The following POFUT3 variants were observed in gnomAD, a reference collection of about 807,000 sequenced individuals.
The protein encoded by POFUT3 is protein O-fucosyltransferase 3.
At chr8:33,436,731 G>C in the POFUT3 span, 1 of 658,332 alleles carries the variant, frequency 1.5e-6, no homozygotes, top group East Asian at 2.9e-5. Context: ...AAATCAGCAG[G>C]GCCTCCTCCT....
chr8:33,431,003 C>T, the POFUT3 span, among the ~76,000 whole-genome samples: 4 of 152,124 alleles, frequency 2.6e-5, no homozygotes, highest in East Asian at 3.9e-4. Flanking sequence ...AAGAGTTTTA[C>T]GGTTTTATGG....
At chr8:33,311,059 TC>T in the POFUT3 span, among the ~76,000 whole-genome samples, 1 of 152,216 alleles carries the variant, frequency 6.6e-6, no homozygotes, top group Non-Finnish European at 1.5e-5. Flanking sequence ...GGAAAACATA[TC>T]CTTGATAATA....
chr8:33,367,994 G>A, the POFUT3 span, among the ~76,000 whole-genome samples: 1 of 152,132 alleles, frequency 6.6e-6, no homozygotes, highest in African/African-American at 2.4e-5. Flanking sequence ...ATGTGGTTAT[G>A]GTTTGCATGG....
the POFUT3 span, among the ~76,000 whole-genome samples, chr8:33,411,249 T>C: frequency 6.6e-6 from 1 of 152,070 alleles, no homozygotes; most frequent in Non-Finnish European, 1.5e-5. Flanking sequence ...AAAATCAGGA[T>C]GGAGGGGTGA....
the POFUT3 span, chr8:33,360,872 T>C: frequency 6.6e-6 from 1 of 152,178 alleles, no homozygotes; most frequent in African/African-American, 2.4e-5. Flanking sequence ...CACGTTTTAA[T>C]TTTATTGCGG....
At chr8:33,391,860 C>T in the POFUT3 span, among the ~76,000 whole-genome samples, 2 of 152,180 alleles carry the variant, frequency 1.3e-5, no homozygotes, top group Non-Finnish European at 2.9e-5. Flanking sequence ...AAACACCAGT[C>T]ACTGTCTGCT....
the POFUT3 span, among the ~76,000 whole-genome samples, chr8:33,418,034 G>GCT: frequency 7.9e-5 from 12 of 152,148 alleles, no homozygotes; most frequent in African/African-American, 2.7e-4. Flanking sequence ...CAGAGAGGGA[G>GCT]CTCACACCGG....
the POFUT3 span, chr8:33,436,379 T>C: frequency 2.1e-6 from 3 of 1,395,922 alleles, no homozygotes; most frequent in Non-Finnish European, 3.0e-6. Flanking sequence ...TGATGTCACA[T>C]TCAACGACCG....
the POFUT3 span, among the ~76,000 whole-genome samples, chr8:33,366,175 C>T: frequency 5.4e-4 from 82 of 152,306 alleles, no homozygotes; most frequent in African/African-American, 1.4e-3. Flanking sequence ...CCAAACACTG[C>T]ATGTTCTCAC....
At chr8:33,469,135 G>A in the POFUT3 span, among the ~76,000 whole-genome samples, 27 of 152,098 alleles carry the variant, frequency 1.8e-4, no homozygotes, top group South Asian at 4.4e-3. Flanking sequence ...ACAAAACCCC[G>A]TCTCTACTAA....
At chr8:33,432,441 A>G in the POFUT3 span, among the ~76,000 whole-genome samples, 1 of 152,036 alleles carries the variant, frequency 6.6e-6, no homozygotes, top group African/African-American at 2.4e-5. Flanking sequence ...AAAAGTAAAA[A>G]TAAAAAACAA....
chr8:33,395,320 G>C, the POFUT3 span, among the ~76,000 whole-genome samples: 1 of 152,132 alleles, frequency 6.6e-6, no homozygotes, highest in Admixed American at 6.6e-5. Flanking sequence ...GAGGAGCAGA[G>C]CGGTGTGGCA....
At chr8:33,458,404 T>C in the POFUT3 span, among the ~76,000 whole-genome samples, 1 of 152,154 alleles carries the variant, frequency 6.6e-6, no homozygotes, top group Non-Finnish European at 1.5e-5. Context: ...TATGGCAAAG[T>C]ATTTCATTTG....
chr8:33,378,753 C>T, the POFUT3 span, among the ~76,000 whole-genome samples: 2 of 152,166 alleles, frequency 1.3e-5, no homozygotes, highest in African/African-American at 4.8e-5. Context: ...CCAGGCCCCA[C>T]TTTAAACATA....
chr8:33,342,133 T>C, the POFUT3 span, among the ~76,000 whole-genome samples: 1 of 151,902 alleles, frequency 6.6e-6, no homozygotes, highest in Non-Finnish European at 1.5e-5. Flanking sequence ...TGAGCTGAGA[T>C]CACACCACTG....
chr8:33,388,114 C>T, the POFUT3 span, among the ~76,000 whole-genome samples: 1 of 151,920 alleles, frequency 6.6e-6, no homozygotes, highest in East Asian at 1.9e-4. Context: ...AAGGATTATC[C>T]CCACCATTAT....
At chr8:33,390,548 C>CAAAAAAAAAAAAAAAAAAAAA in the POFUT3 span, among the ~76,000 whole-genome samples, 1 of 87,854 alleles carries the variant, frequency 1.1e-5, no homozygotes, top group Non-Finnish European at 2.5e-5. Context: ...TGATTAACTG[C>CAAAAAAAAAAAAAAAAAAAAA]AAAAAAAAAA....
the POFUT3 span, among the ~76,000 whole-genome samples, chr8:33,438,723 G>A: frequency 6.6e-6 from 1 of 152,172 alleles, no homozygotes; most frequent in African/African-American, 2.4e-5. Context: ...GGTGGAAGGC[G>A]AAAGGCATGT....
At chr8:33,414,155 T>C in the POFUT3 span, among the ~76,000 whole-genome samples, 2 of 152,166 alleles carry the variant, frequency 1.3e-5, no homozygotes, top group South Asian at 4.2e-4. Flanking sequence ...CCAGGAAAGA[T>C]TAACCACCAA....
Sources: allele counts gnomAD v4.1 joint callset (sites outside exome capture counted in the v4.1 genomes callset), GRCh38; gene constraint gnomAD v4.1.1; transcripts MANE v1.5; gene names NCBI Gene and HGNC (gene_info 2026-07-23, HGNC 2026-07-21).